ANKK1: variants seen among roughly 807,000 people sequenced by gnomAD.
ANKK1 encodes the protein ankyrin repeat and protein kinase domain-containing protein 1.
In ANKK1, 37 loss-of-function variants were observed where a neutral mutation model predicts 37.6. The ratio of observed to expected loss-of-function variants is 0.98; its 90% CI spans 0.76 to 1.29. The LOEUF is 1.29. Among genes scored for constraint, ANKK1 ranks in the 50% most tolerant of loss-of-function variants. The pLI, the probability that ANKK1 is intolerant of heterozygous loss-of-function variation, is 0.00. For missense variants in ANKK1, 1,019 were observed against 990.6 expected, an observed-to-expected ratio of 1.03 and a Z score of -0.39; for synonymous variants, 415 against 418.7, an observed-to-expected ratio of 0.99 and a Z score of 0.11.
In ANKK1 at chr11:113,394,983, A is replaced by G; in HGVS notation, c.535A>G (p.Ile179Val). 6.2e-7 allele frequency: 1 copy of G among 1,613,716 alleles called. No individual in the cohort carries two copies. Among genetic ancestry groups the G allele is most frequent in the Non-Finnish European group, 8.5e-7 (1 of 1,179,778 alleles). ...GGAACAGTCCACCCGGATGCAGTAC[A>G]TCGAGAGGTCGGCTCTGCGGGGCAT... ...WMEQSTRMQY[I>V]ERSALRGMLS... Residue 179 changes from isoleucine (I) to valine (V), a missense_variant, in exon 3 of 8, where the codon ATC becomes GTC. Coordinates refer to ENST00000303941, the MANE Select transcript of ANKK1 (RefSeq NM_178510.2).
chr11:113,394,714 C>T (rs938411598), intron 2 of ANKK1: 1 of 707,152 alleles, frequency 1.4e-6, no homozygotes, highest in Non-Finnish European at 2.5e-6. Flanking sequence ...GGTCATATTA[C>T]TTCTACTTTA....
rs188381597 is a variant in ANKK1, at chr11:113,398,072, C to A, written c.994+56C>A. 541 of 1,541,750 alleles carry A rather than the reference C, an allele frequency of 3.5e-4. 5 individuals carry two copies. The African/African-American group carries it at 6.0e-3, about 17-fold the overall frequency. ...GAACTCACAGCAGAGAAAATGGAGTCAAACCACACCCTTTCCCCATCCCCC... is the reference window on the plus strand; with the variant it reads ...GAACTCACAGCAGAGAAAATGGAGTAAAACCACACCCTTTCCCCATCCCCC... On this transcript the variant is annotated intron_variant, in intron 7 of 7. Coordinates refer to ENST00000303941, the MANE Select transcript of ANKK1 (RefSeq NM_178510.2).
At position 113,393,685 on chromosome 11, in the gene ANKK1, C is replaced by T; in HGVS notation, c.390C>T (p.Ala130=). Reference sequence around the variant, plus strand: ...GCATCATCCATGAGACCAGCTTGGCCATGAACTTCCTGCACAGCATTAAGC... The same window carrying T: ...GCATCATCCATGAGACCAGCTTGGCTATGAACTTCCTGCACAGCATTAAGC... The part of the protein sequence containing the change: ...RFRIIHETSL[A]MNFLHSIKPP... The change falls in exon 2 of 8, where the codon GCC becomes GCT. Residue 130 remains alanine, a synonymous_variant. Coordinates refer to ENST00000303941, the MANE Select transcript of ANKK1 (RefSeq NM_178510.2). The T allele has an allele frequency of 6.2e-7, 1 of 1,613,960 alleles. No homozygotes were observed. Among genetic ancestry groups the T allele is most frequent in the Non-Finnish European group, 8.5e-7 (1 of 1,179,878 alleles).
rs1179016648 is a variant in ANKK1, at chr11:113,399,929, G to A, written c.1960G>A (p.Ala654Thr). ...ALLQCGADPN[A>T]AEQSGWTPLH... ...GCTGCAGTGTGGGGCTGACCCCAAT[G>A]CTGCAGAGCAGTCAGGCTGGACACC... The change falls in exon 8 of 8, where the codon GCT becomes ACT. Residue 654 changes from alanine to threonine, a missense_variant. Transcript: ENST00000303941. 6.2e-7 allele frequency: 1 copy of A among 1,613,604 alleles called. No individual in the cohort carries two copies. The highest frequency in any genetic ancestry group is 8.5e-7 in the Non-Finnish European group (1 of 1,179,880).
rs199747130 is a variant in ANKK1, at chr11:113,397,269, G to A, written c.884G>A (p.Arg295His). Residue 295 changes from arginine to histidine, a missense_variant, in exon 6 of 8, where the codon CGT (arginine) becomes CAT (histidine). Physicochemically the swap from Arg to His is conservative, Grantham distance 29. Transcript: ENST00000303941. ...ATACTGCTGTCACTGCTGCAGAGTC[G>A]TGTGGCAGTCCCAGAGAGCAAGGCC... Reference protein sequence around the residue: ...TDILLSLLQSRVAVPESKALA... With the variant: ...TDILLSLLQSHVAVPESKALA... The A allele has an allele frequency of 2.6e-5, 42 of 1,612,002 alleles. No homozygotes were observed. In the Middle Eastern group the frequency reaches 9.9e-4, roughly 38 times the overall value.
chr11:113,394,519 G>T (rs1391709120), intron 2 of ANKK1, among the ~76,000 whole-genome samples: 1 of 152,188 alleles, frequency 6.6e-6, no homozygotes, highest in African/African-American at 2.4e-5. Context: ...GCAAAGGGAA[G>T]ATAAATGTCC....
rs1378658966 is a variant in ANKK1 at position 113,387,921 on chromosome 11, C to T, written c.37C>T (p.Leu13Phe). Residue 13 changes from leucine to phenylalanine, a missense_variant, in exon 1 of 8, where the codon CTC becomes TTC. Coordinates refer to ENST00000303941, the MANE Select transcript of ANKK1 (RefSeq NM_178510.2). ...ADPTELRLGS[L>F]PVFTRDDFEG... Reference sequence around the variant, plus strand: ...CCCCACCGAGCTGCGGCTGGGCAGCCTCCCCGTCTTCACCCGCGACGACTT... The same window carrying T: ...CCCCACCGAGCTGCGGCTGGGCAGCTTCCCCGTCTTCACCCGCGACGACTT... The T allele has an allele frequency of 6.4e-7, 1 of 1,567,520 alleles. No homozygotes were observed. Among genetic ancestry groups the T allele is most frequent in the Admixed American group, 1.7e-5 (1 of 57,228 alleles).
chr11:113,398,073 A>C, intron 7 of ANKK1, 57 bp downstream of exon 7: 5 of 1,542,900 alleles, frequency 3.2e-6, no homozygotes, highest in Non-Finnish European at 4.4e-6. Context: ...AAATGGAGTC[A>C]AACCACACCC....
In ANKK1 at chr11:113,387,923, C is replaced by G; in HGVS notation, c.39C>G (p.Leu13=). The change falls in exon 1 of 8, where the codon CTC becomes CTG. Residue 13 remains leucine, a synonymous_variant. Coordinates refer to ENST00000303941, the MANE Select transcript of ANKK1 (RefSeq NM_178510.2). ...ADPTELRLGS[L]PVFTRDDFEG... is the part of the protein sequence containing the mutation. ...CCACCGAGCTGCGGCTGGGCAGCCT[C>G]CCCGTCTTCACCCGCGACGACTTCG... 6.4e-7 allele frequency: 1 copy of G among 1,568,758 alleles called. No homozygotes were observed.
At chr11:113,398,409 G>C (rs1420992779) in intron 7 of ANKK1, among the ~76,000 whole-genome samples, 1 of 150,600 alleles carries the variant, frequency 6.6e-6, no homozygotes, top group East Asian at 2.0e-4. Flanking sequence ...GATCATTTTT[G>C]TCATTTTAAT....
In ANKK1 at chr11:113,399,291, A is replaced by G. The variant is rs1950668645; in HGVS notation, c.1322A>G (p.Asp441Gly). ...CACTTTGCAGCCCAGAATGGGGATG[A>G]CGGCACTGCGCGCCTGCTCCTGGAC... ...PLHFAAQNGD[D>G]GTARLLLDHG... The change falls in exon 8 of 8, where the codon GAC becomes GGC. Residue 441 changes from aspartate (D) to glycine (G), a missense_variant. By Grantham distance (94) the Asp-to-Gly change is moderately conservative. Coordinates refer to ENST00000303941, the MANE Select transcript of ANKK1 (RefSeq NM_178510.2). The G allele has an allele frequency of 6.2e-7, 1 of 1,603,522 alleles. No homozygotes were observed. Among genetic ancestry groups the G allele is most frequent in the Admixed American group, 1.7e-5 (1 of 58,752 alleles).
At chr11:113,397,191 T>C (rs1950645697) in intron 5 of ANKK1, 33 bp from the exon 6 acceptor site, 17 of 1,580,736 alleles carry the variant, frequency 1.1e-5, no homozygotes, top group Non-Finnish European at 1.5e-5. Context: ...GCCCGTTGCT[T>C]CCTTTCCTGT....
chr11:113,399,417 G>T lies in ANKK1; in HGVS notation c.1448G>T (p.Arg483Leu). 1 of 1,599,938 alleles carries T rather than the reference G, an allele frequency of 6.3e-7. No homozygotes were observed. Among genetic ancestry groups the T allele is most frequent in the Admixed American group, 1.7e-5 (1 of 58,272 alleles). Residue 483 changes from arginine to leucine, a missense_variant, in exon 8 of 8, where the codon CGT (arginine) becomes CTT (leucine). Arg to Leu is a moderately radical substitution (Grantham distance 102). Transcript: ENST00000303941. ...AATGTGGCACGGCTTCTGGTCTCCC[G>T]TCAGGCTGACCCCAACCTGCATGAG... ...FENVARLLVS[R>L]QADPNLHEAE... is the part of the protein sequence containing the mutation.
At position 113,394,990 on chromosome 11, in the gene ANKK1, G is replaced by C. The variant is rs769225984; in HGVS notation, c.542G>C (p.Arg181Thr). Residue 181 changes from arginine to threonine, a missense_variant, in exon 3 of 8, where the codon AGG (arginine) becomes ACG (threonine). Transcript: ENST00000303941. ...TCCACCCGGATGCAGTACATCGAGA[G>C]GTCGGCTCTGCGGGGCATGCTCAGC... ...EQSTRMQYIE[R>T]SALRGMLSYI... 2 of 1,613,688 alleles carry C rather than the reference G, an allele frequency of 1.2e-6. No individual in the cohort carries two copies. Among genetic ancestry groups the C allele is most frequent in the South Asian group, 2.2e-5 (2 of 90,930 alleles).
chr11:113,397,174 T>C, intron 5 of ANKK1, 50 bp from the exon 6 acceptor site: 1 of 1,494,702 alleles, frequency 6.7e-7, no homozygotes, highest in South Asian at 1.2e-5. Context: ...GAGGGTACTG[T>C]GGGCCAGCCC....
intron 1 of ANKK1, among the ~76,000 whole-genome samples, chr11:113,388,520 G>T (rs1013995828): frequency 6.6e-6 from 1 of 152,174 alleles, no homozygotes; most frequent in Admixed American, 6.5e-5. Context: ...GATCTGCAGG[G>T]AATCATGTTC....
At position 113,387,869 on chromosome 11, in the gene ANKK1, C is replaced by A. The variant is rs1950556306; in HGVS notation, c.-16C>A. ...CAGCGGGGAGTGCGCGGCGCGGGGA[C>A]AGGAAGAGAGGGGCAATGGCTGCCG... On this transcript the variant is annotated 5_prime_UTR_variant, in exon 1 of 8. Transcript: ENST00000303941. 3 of 1,507,494 alleles carry A rather than the reference C, an allele frequency of 2.0e-6. No individual in the cohort carries two copies. The highest frequency in any genetic ancestry group is 2.7e-6 in the Non-Finnish European group (3 of 1,127,266). 93.4% of individuals were successfully genotyped at this position (1,507,494 alleles called of 1,614,324 possible).
Position 113,395,044 on chromosome 11 carries a change from G to T in ANKK1, c.596G>T (p.Ser199Ile), listed in dbSNP as rs1290635940. 6.2e-7 allele frequency: 1 copy of T among 1,613,036 alleles called. No individual in the cohort carries two copies. The highest frequency in any genetic ancestry group is 1.1e-5 in the South Asian group (1 of 90,752). The change falls in exon 3 of 8, where the codon AGT becomes ATT. Residue 199 changes from serine to isoleucine, a missense_variant. By Grantham distance (142) the Ser-to-Ile change is moderately radical. Transcript: ENST00000303941. ...ATCCCCCCTGAGATGTTCCTGGAGA[G>T]TAACAAGGCCCCAGGACCTAAATAT... ...SYIPPEMFLE[S>I]NKAPGPKYDV...
rs1346456996 is a variant in ANKK1 at position 113,398,014 on chromosome 11, G to C, written c.992G>C (p.Ser331Thr). The change falls in exon 7 of 8, where the codon AGT becomes ACT. Residue 331 changes from serine to threonine, a missense_variant and splice_region_variant. Transcript: ENST00000303941. ...GACATCAGCCAGGAACTGATGGACAGTGGTGAGTCTGGGTGCCACGGGCGG... is the reference window on the plus strand; with the variant it reads ...GACATCAGCCAGGAACTGATGGACACTGGTGAGTCTGGGTGCCACGGGCGG... The part of the protein sequence containing the change: ...NEDISQELMD[S>T]DSGNYLKRAL... The C allele has an allele frequency of 1.9e-6, 3 of 1,565,814 alleles. No homozygotes were observed. The highest frequency in any genetic ancestry group is 2.7e-5 in the African/African-American group (2 of 73,906).
Sources: gnomAD v4.1 joint callset for allele counts (sites outside exome capture counted in the v4.1 genomes callset) on GRCh38, gnomAD v4.1.1 for gene constraint, MANE v1.5 for transcripts, NCBI Gene and HGNC (gene_info 2026-07-23, HGNC 2026-07-21) for gene names.